Variants in MICAL2 observed in about 807,000 individuals in gnomAD.
The protein encoded by MICAL2 is microtubule associated monooxygenase, calponin and LIM domain containing 2.
Under a neutral mutation model 127.3 loss-of-function variants are expected in MICAL2, and 77 were observed. The ratio of observed to expected loss-of-function variants is 0.60; its 90% confidence interval spans 0.50 to 0.73. The LOEUF is 0.73. Among genes scored for constraint, MICAL2 ranks in the 30% least tolerant of loss-of-function variants. The pLI is 0.00. For missense variants in MICAL2, 1,351 were observed against 1,434.4 expected (o/e 0.94, Z 0.94); for synonymous variants, 570 against 551.1 (o/e 1.03, Z -0.48).
At chr11:12,296,985 G>A (rs1863993263), downstream of MICAL2, among the ~76,000 whole-genome samples, 1 of 151,962 alleles carries the variant, frequency 6.6e-6, no homozygotes, top group African/African-American at 2.4e-5. Context: ...CAAATCTTTG[G>A]CTATTGCAAA....
chr11:12,163,461 T>C (rs558761540), intron 3 of MICAL2, among the ~76,000 whole-genome samples: 1 of 152,290 alleles, frequency 6.6e-6, no homozygotes, highest in Non-Finnish European at 1.5e-5. Flanking sequence ...TTTGTTTTGG[T>C]GGTGAGAAGC....
chr11:12,142,165 C>T (rs921127272), intron 2 of MICAL2, among the ~76,000 whole-genome samples: 11 of 152,180 alleles, frequency 7.2e-5, no homozygotes, highest in Admixed American at 7.2e-4. Context: ...CTCCACCCTG[C>T]ACTTGAATGT....
At chr11:12,266,631 T>A (rs947593979), downstream of MICAL2, among the ~76,000 whole-genome samples, 1 of 152,226 alleles carries the variant, frequency 6.6e-6, no homozygotes, top group Non-Finnish European at 1.5e-5. Flanking sequence ...AAGCTCCTGA[T>A]ACTAGGGAGG....
chr11:12,284,721 C>T (rs1391365766), intron 2 of MICAL2, among the ~76,000 whole-genome samples: 1 of 152,170 alleles, frequency 6.6e-6, no homozygotes. Flanking sequence ...AAACATCCAG[C>T]CTGGAAAGCC....
chr11:12,299,959 G>T (rs555982709), intron 29 of MICAL2, among the ~76,000 whole-genome samples: 28 of 152,062 alleles, frequency 1.8e-4, no homozygotes, highest in Non-Finnish European at 3.5e-4. Context: ...ATTCTAAAAG[G>T]ACCCCATGCT....
At chr11:12,207,999 T>C (rs200082506) in intron 4 of MICAL2, 24 bp from the exon 5 acceptor site, 1 of 1,568,082 alleles carries the variant, frequency 6.4e-7, no homozygotes, top group Non-Finnish European at 8.8e-7. Context: ...CTGTGACAGT[T>C]CCTCTCTCCT....
chr11:12,169,067 G>A (rs1855921546), intron 3 of MICAL2, among the ~76,000 whole-genome samples: 1 of 151,912 alleles, frequency 6.6e-6, no homozygotes, highest in South Asian at 2.1e-4. Context: ...AATTTAGTGT[G>A]GAAGAAGTTT....
At chr11:12,230,348 G>T (rs980970356) in intron 15 of MICAL2, among the ~76,000 whole-genome samples, 7 of 152,030 alleles carry the variant, frequency 4.6e-5, no homozygotes, top group African/African-American at 1.2e-4. Flanking sequence ...GTACATAAAG[G>T]CTCCCTCACA....
At chr11:12,356,462 G>T (rs1463654308) in intron 34 of MICAL2, among the ~76,000 whole-genome samples, 1 of 152,192 alleles carries the variant, frequency 6.6e-6, no homozygotes, top group Admixed American at 6.5e-5. Context: ...AGGTCTGTGT[G>T]ACCTTGTGGT....
intron 13 of MICAL2, 136 bp from the exon 14 acceptor site, chr11:12,226,035 T>C (rs1291361787): frequency 7.9e-6 from 6 of 761,238 alleles, no homozygotes; most frequent in Non-Finnish European, 1.3e-5. Context: ...GGGGCTGGGG[T>C]CACTATTCCT....
chr11:12,349,460 G>A (rs946970272), intron 32 of MICAL2, among the ~76,000 whole-genome samples: 4 of 151,660 alleles, frequency 2.6e-5, no homozygotes, highest in Non-Finnish European at 4.4e-5. Flanking sequence ...AAAGAAGAAG[G>A]AAATGATGAG....
rs531700978 is a variant in MICAL2 at position 12,126,945 on chromosome 11, G to C, written c.-148-11445G>C. 3.3e-4 allele frequency among the ~76,000 whole-genome samples: 51 copies of C among 152,260 alleles called. No homozygotes were observed. In the South Asian group the frequency reaches 4.1e-3, roughly 12 times the overall value. On this transcript the variant is annotated intron_variant, in intron 1 of 27. Transcript: ENST00000683283. Reference sequence around the variant, plus strand: ...CTGATGGGTAGTTGCAGTGCAGATGGATAAGTTGGGAGTAAGAAGAGAGCA... The same window carrying C: ...CTGATGGGTAGTTGCAGTGCAGATGCATAAGTTGGGAGTAAGAAGAGAGCA...
At chr11:12,236,983 T>C (rs1459213500) in intron 16 of MICAL2, among the ~76,000 whole-genome samples, 1 of 152,200 alleles carries the variant, frequency 6.6e-6, no homozygotes, top group African/African-American at 2.4e-5. Context: ...TATAATACAT[T>C]GATATCTGAT....
Position 12,110,631 on chromosome 11 carries a change from C to T in MICAL2, c.-244C>T, listed in dbSNP as rs576504585. ...CTGCGCCGGGCCGCCTCGCTCGCTC[C>T]CAGCTCTGTCAGTGGCCCGCGGGGC... On this transcript the variant is annotated 5_prime_UTR_variant, in exon 1 of 28. Coordinates refer to ENST00000683283, the MANE Select transcript of MICAL2 (RefSeq NM_001282663.2). This position sits in a 1 kb window ranked among gnomAD's most constrained non-coding sequence, Gnocchi z 4.5. The T allele has an allele frequency of 1.2e-4, 18 of 151,942 alleles. No homozygotes were observed. The highest frequency in any genetic ancestry group is 3.9e-4 in the African/African-American group (16 of 41,536). The allele number at this position is 151,942 out of a possible 1,614,324, so 9.4% of individuals were successfully genotyped here. A position where few individuals can be genotyped will look rare whatever the true frequency, so the allele number is the denominator to read the frequency against.
At chr11:12,192,794 G>C (rs1427911519) in intron 3 of MICAL2, among the ~76,000 whole-genome samples, 1 of 151,996 alleles carries the variant, frequency 6.6e-6, no homozygotes, top group Non-Finnish European at 1.5e-5. Flanking sequence ...TAAAATAAAG[G>C]ATTCCTCCTG....
Position 12,216,301 on chromosome 11 carries a change from C to T in MICAL2, c.930C>T (p.Asp310=), listed in dbSNP as rs1255322031. ...VMTAKKQSLL[D]KGVIINDYID... Reference sequence around the variant, plus strand: ...CAGCCAAGAAGCAGAGCCTGCTCGACAAAGGTGTCATCATTAACGTACGTA... The same window carrying T: ...CAGCCAAGAAGCAGAGCCTGCTCGATAAAGGTGTCATCATTAACGTACGTA... Residue 310 remains aspartate, a synonymous_variant, in exon 8 of 28, where the codon GAC becomes GAT. Transcript: ENST00000683283. 1 of 1,613,802 alleles carries T rather than the reference C, an allele frequency of 6.2e-7. No homozygotes were observed. Among genetic ancestry groups the T allele is most frequent in the South Asian group, 1.1e-5 (1 of 91,070 alleles).
chr11:12,157,368 C>T (rs552424944), intron 2 of MICAL2, among the ~76,000 whole-genome samples: 169 of 152,124 alleles, frequency 1.1e-3, no homozygotes, highest in Non-Finnish European at 2.0e-3. Flanking sequence ...ATTACCAATG[C>T]TGTTGCCTGC....
At chr11:12,174,768 C>G (rs894797550) in intron 3 of MICAL2, among the ~76,000 whole-genome samples, 1 of 152,020 alleles carries the variant, frequency 6.6e-6, no homozygotes, top group Non-Finnish European at 1.5e-5. Context: ...TTCCATTTAC[C>G]CTTATATTTT....
At chr11:12,171,978 C>G (rs1554965527) in intron 3 of MICAL2, among the ~76,000 whole-genome samples, 1 of 152,022 alleles carries the variant, frequency 6.6e-6, no homozygotes, top group Non-Finnish European at 1.5e-5. Context: ...TTTTGAAATA[C>G]TGTGTATTTT....
Sources: gnomAD v4.1 joint callset for allele counts (sites outside exome capture counted in the v4.1 genomes callset) on GRCh38, gnomAD v4.1.1 for gene constraint, Gnocchi (gnomAD v3.1) non-coding constraint, MANE v1.5 for transcripts, NCBI Gene and HGNC (gene_info 2026-07-23, HGNC 2026-07-21) for gene names.